MRTFA: variants seen among roughly 807,000 people sequenced by gnomAD.
The protein encoded by MRTFA is myocardin-related transcription factor A.
In MRTFA, 20 loss-of-function variants were observed where a neutral mutation model predicts 83.5. The ratio of observed to expected loss-of-function variants is 0.24; its 90% CI spans 0.17 to 0.35. MRTFA has a LOEUF of 0.35. MRTFA is among the 10% of genes least tolerant of loss of function. The pLI, the probability that MRTFA is intolerant of heterozygous loss-of-function variation, is 1.00. For synonymous variants in MRTFA, 659 were observed against 541.2 expected (o/e 1.22, Z -3.02); for missense variants, 1,200 against 1,224.7 (o/e 0.98, Z 0.30).
intron 3 of MRTFA, among the ~76,000 whole-genome samples, chr22:40,493,057 T>C (rs1298993315): frequency 6.6e-6 from 1 of 152,238 alleles, no homozygotes; most frequent in African/African-American, 2.4e-5. Context: ...CTTATCTTGT[T>C]GACCTCAGCT....
chr22:40,419,021 C>G lies in MRTFA; in HGVS notation c.1717G>C (p.Gly573Arg). The G allele has an allele frequency of 6.2e-7, 1 of 1,612,556 alleles. No individual in the cohort carries two copies. The highest frequency in any genetic ancestry group is 1.1e-5 in the South Asian group (1 of 91,050). ...GTCACCATCTCACCAAAGGTGTCCC[C>G]GGGGGTGGAGTTTTCATCGCCCGTG... is the stretch of plus-strand genomic sequence containing the variant. Residue 573 changes from glycine (G) to arginine (R), a missense_variant, in exon 12 of 15, where the codon GGG (glycine) becomes CGG (arginine). Around this residue, in one of 2 missense-constraint regions of MRTFA, gnomAD observed 1,107 missense variants for 1,041.8 expected, o/e 1.06. Transcript: ENST00000355630.
At chr22:40,560,576 G>T (rs374795529) in intron 2 of MRTFA, among the ~76,000 whole-genome samples, 4 of 152,106 alleles carry the variant, frequency 2.6e-5, no homozygotes, top group African/African-American at 7.2e-5. Flanking sequence ...TCCTGTAATT[G>T]TATTTACTGT....
intron 3 of MRTFA, among the ~76,000 whole-genome samples, chr22:40,477,608 T>C (rs142326961): frequency 2.0e-5 from 3 of 152,266 alleles, no homozygotes; most frequent in African/African-American, 7.2e-5. Context: ...TATGTTTCAT[T>C]AGAGGCTTTT....
intron 3 of MRTFA, among the ~76,000 whole-genome samples, chr22:40,484,414 G>C (rs1469531277): frequency 6.6e-6 from 1 of 152,120 alleles, no homozygotes; most frequent in Non-Finnish European, 1.5e-5. Flanking sequence ...GGAGAAGCCA[G>C]ATCATTATAA....
chr22:40,419,469 T>C (rs1206008787), intron 11 of MRTFA, 85 bp from the exon 12 acceptor site: 8 of 1,269,746 alleles, frequency 6.3e-6, no homozygotes, highest in Non-Finnish European at 8.9e-6. Flanking sequence ...CTGGGCCCCA[T>C]GGGCCACTGC....
chr22:40,425,308 G>C (rs1207663772), intron 7 of MRTFA, among the ~76,000 whole-genome samples: 1 of 152,248 alleles, frequency 6.6e-6, no homozygotes, highest in Admixed American at 6.5e-5. Context: ...GGGAAGAGGT[G>C]GGGGTGGCAG....
At chr22:40,628,681 C>A (rs550815381) in intron 1 of MRTFA, among the ~76,000 whole-genome samples, 12 of 152,012 alleles carry the variant, frequency 7.9e-5, no homozygotes, top group Non-Finnish European at 1.6e-4. Context: ...ATTTTCACAA[C>A]GCTCTTTCTT....
At position 40,417,472 on chromosome 22, in the gene MRTFA, G is replaced by A; in HGVS notation, c.2386C>T (p.Pro796Ser). 1.3e-6 allele frequency: 2 copies of A among 1,572,486 alleles called. No individual in the cohort carries two copies. ...ATCTGGGCAGAGGGGGCAGGCGCTG[G>A]AGAGCCAGGCTGGGACGAGGGCTGG... Residue 796 changes from proline to serine, a missense_variant, in exon 13 of 15, where the codon CCA (proline) becomes TCA (serine). Physicochemically the swap from Pro to Ser is moderately conservative, Grantham distance 74. Around this residue, in one of 2 missense-constraint regions of MRTFA, gnomAD observed 1,107 missense variants for 1,041.8 expected, o/e 1.06. Transcript: ENST00000355630.
chr22:40,443,111 G>A (rs1231390983), intron 4 of MRTFA, among the ~76,000 whole-genome samples: 1 of 152,048 alleles, frequency 6.6e-6, no homozygotes, highest in African/African-American at 2.4e-5. Context: ...AATTAGCCGG[G>A]TGTGGTTACG....
intron 4 of MRTFA, among the ~76,000 whole-genome samples, chr22:40,449,100 C>T (rs2053438245): frequency 6.6e-6 from 1 of 151,918 alleles, no homozygotes; most frequent in African/African-American, 2.4e-5. Context: ...CCCGTCTCTA[C>T]TAAAAATACA....
At chr22:40,450,321 T>A (rs1457928252) in intron 4 of MRTFA, among the ~76,000 whole-genome samples, 1 of 152,170 alleles carries the variant, frequency 6.6e-6, no homozygotes, top group Non-Finnish European at 1.5e-5. Context: ...AAGATGCCCA[T>A]GGCCTTCAAA....
At position 40,632,144 on chromosome 22, in the gene MRTFA, G is replaced by A. The variant is rs764288939; in HGVS notation, c.-84+4334C>T. Among the ~76,000 whole-genome samples the A allele has an allele frequency of 1.3e-4, 20 of 152,322 alleles. No homozygotes were observed. In the East Asian group the frequency reaches 1.3e-3, roughly 10 times the overall value. ...TGCCATGCCATGAAGGCATTCATGC[G>A]GAGAGGCCCACATGAAGAGGAATTG... On this transcript the variant is annotated intron_variant, in intron 1 of 14. Transcript: ENST00000355630.
intron 1 of MRTFA, among the ~76,000 whole-genome samples, chr22:40,597,115 T>C (rs2056202652): frequency 6.6e-6 from 1 of 152,264 alleles, no homozygotes; most frequent in African/African-American, 2.4e-5. Flanking sequence ...CTTACTTGTC[T>C]GAACAAGAAT....
chr22:40,466,166 C>T (rs763074056), intron 3 of MRTFA, among the ~76,000 whole-genome samples: 1 of 152,146 alleles, frequency 6.6e-6, no homozygotes, highest in Non-Finnish European at 1.5e-5. Context: ...TTCAGTAAAA[C>T]AAATTTACTC....
chr22:40,555,849 C>G (rs929492542), intron 2 of MRTFA, among the ~76,000 whole-genome samples: 1 of 151,836 alleles, frequency 6.6e-6, no homozygotes, highest in Non-Finnish European at 1.5e-5. Flanking sequence ...CAATGTTAGC[C>G]AGGATGGTCT....
intron 3 of MRTFA, among the ~76,000 whole-genome samples, chr22:40,509,273 T>G (rs2054629797): frequency 6.6e-6 from 1 of 152,230 alleles, no homozygotes; most frequent in Non-Finnish European, 1.5e-5. Context: ...AAATCACTTT[T>G]GGGCACAAAA....
chr22:40,429,197 T>C (rs772667873), intron 7 of MRTFA, among the ~76,000 whole-genome samples: 3 of 152,180 alleles, frequency 2.0e-5, no homozygotes, highest in African/African-American at 4.8e-5. Flanking sequence ...TTAAGTGAAA[T>C]ATCCGTGGAA....
intron 2 of MRTFA, among the ~76,000 whole-genome samples, chr22:40,572,454 C>T (rs1208610434): frequency 1.3e-5 from 2 of 151,466 alleles, no homozygotes; most frequent in Non-Finnish European, 2.9e-5. Context: ...CCACTGTAAT[C>T]CAGCCTGGGC....
intron 4 of MRTFA, among the ~76,000 whole-genome samples, chr22:40,442,761 A>C (rs1388464890): frequency 6.6e-6 from 1 of 152,180 alleles, no homozygotes; most frequent in African/African-American, 2.4e-5. Context: ...TGTGTAAATG[A>C]ATTGAATAGG....
Sources: allele counts gnomAD v4.1 joint callset (sites outside exome capture counted in the v4.1 genomes callset), GRCh38; gene constraint gnomAD v4.1.1; regional missense constraint gnomAD v4.1.1; transcripts MANE v1.5; gene names NCBI Gene and HGNC (gene_info 2026-07-23, HGNC 2026-07-21).